Variants in OR1J2 observed in about 807,000 individuals in gnomAD.
OR1J2 encodes olfactory receptor 1J2.
For synonymous variants in OR1J2, 142 were observed against 99.7 expected, an observed-to-expected ratio of 1.42 and a Z score of -2.52; for missense variants, 304 against 246.1, an observed-to-expected ratio of 1.24 and a Z score of -1.57.
the OR1J2 span, among the ~76,000 whole-genome samples, chr9:122,487,037 A>G: frequency 2.6e-5 from 4 of 152,130 alleles, no homozygotes; most frequent in Non-Finnish European, 5.9e-5. Context: ...CCCAGGAAAA[A>G]AACAAATAAG....
At chr9:122,480,636 T>C in the OR1J2 span, among the ~76,000 whole-genome samples, 2 of 152,066 alleles carry the variant, frequency 1.3e-5, no homozygotes, top group Non-Finnish European at 2.9e-5. Context: ...TGCTTCTTTT[T>C]TTTATTATTA....
chr9:122,472,224 G>A, the OR1J2 span, among the ~76,000 whole-genome samples: 2 of 152,122 alleles, frequency 1.3e-5, no homozygotes, highest in African/African-American at 4.8e-5. Flanking sequence ...CCCTGAAGAT[G>A]AGCCACCACA....
chr9:122,530,941 A>G, the OR1J2 span, among the ~76,000 whole-genome samples: 1 of 152,206 alleles, frequency 6.6e-6, no homozygotes, highest in East Asian at 1.9e-4. Context: ...GGAACTGGCC[A>G]TCCGGATGTG....
the OR1J2 span, among the ~76,000 whole-genome samples, chr9:122,478,649 T>C: frequency 2.0e-5 from 3 of 152,208 alleles, no homozygotes; most frequent in Non-Finnish European, 4.4e-5. Context: ...GATATATATG[T>C]ACTATTCTAG....
the OR1J2 span, among the ~76,000 whole-genome samples, chr9:122,481,721 A>G: frequency 2.7e-4 from 41 of 152,322 alleles, no homozygotes; most frequent in African/African-American, 9.6e-4. Flanking sequence ...TATACGAAGA[A>G]AAGGAACTCT....
At chr9:122,471,274 T>G in the OR1J2 span, 1 of 152,216 alleles carries the variant, frequency 6.6e-6, no homozygotes, top group Non-Finnish European at 1.5e-5. Flanking sequence ...CTCATGGTAG[T>G]GAATAAGTCT....
the OR1J2 span, among the ~76,000 whole-genome samples, chr9:122,498,169 A>G: frequency 3.8e-4 from 58 of 151,918 alleles, no homozygotes; most frequent in Non-Finnish European, 7.5e-4. Flanking sequence ...GTTGATGTAT[A>G]CCTCTCTAGC....
chr9:122,489,121 G>A, the OR1J2 span, among the ~76,000 whole-genome samples: 3 of 150,760 alleles, frequency 2.0e-5, no homozygotes, highest in Non-Finnish European at 4.4e-5. Flanking sequence ...CGACAAAACC[G>A]TCCACATCAG....
chr9:122,491,930 C>T, the OR1J2 span, among the ~76,000 whole-genome samples: 3 of 151,692 alleles, frequency 2.0e-5, no homozygotes, highest in African/African-American at 7.3e-5. Context: ...ATTTATGAGG[C>T]CAAATATCCT....
chr9:122,477,615 G>A, the OR1J2 span: 1 of 1,614,046 alleles, frequency 6.2e-7, no homozygotes. Flanking sequence ...CAAAAAATAT[G>A]AAAAAATATG....
At chr9:122,531,041 G>T in the OR1J2 span, among the ~76,000 whole-genome samples, 3 of 152,134 alleles carry the variant, frequency 2.0e-5, no homozygotes, top group Non-Finnish European at 1.5e-5. Flanking sequence ...AAAATAAAAT[G>T]AAATAGTGGT....
chr9:122,456,808 T>C, the OR1J2 span, among the ~76,000 whole-genome samples: 5 of 152,214 alleles, frequency 3.3e-5, no homozygotes, highest in Admixed American at 2.6e-4. Flanking sequence ...TGGAAGACAG[T>C]GTGGCAATTC....
chr9:122,484,966 C>G, the OR1J2 span, among the ~76,000 whole-genome samples: 1 of 151,964 alleles, frequency 6.6e-6, no homozygotes, highest in Non-Finnish European at 1.5e-5. Context: ...CTCGGGAGGT[C>G]GAGGCTGTGA....
the OR1J2 span, among the ~76,000 whole-genome samples, chr9:122,471,030 C>A: frequency 6.6e-6 from 1 of 152,112 alleles, no homozygotes; most frequent in Non-Finnish European, 1.5e-5. Flanking sequence ...ACACTTTGGA[C>A]TTTTGGGTTA....
the OR1J2 span, among the ~76,000 whole-genome samples, chr9:122,558,600 T>A: frequency 6.6e-6 from 1 of 151,768 alleles, no homozygotes; most frequent in South Asian, 2.1e-4. Context: ...AAATATTTCA[T>A]CTGAGTTTTA....
the OR1J2 span, among the ~76,000 whole-genome samples, chr9:122,546,319 G>A: frequency 6.6e-6 from 1 of 152,154 alleles, no homozygotes; most frequent in East Asian, 1.9e-4. Context: ...GAGAGACAGA[G>A]CTTAATTTTC....
chr9:122,513,631 C>T (rs926418748), downstream of OR1J2, among the ~76,000 whole-genome samples: 6 of 151,846 alleles, frequency 4.0e-5, no homozygotes, highest in South Asian at 2.1e-4. Flanking sequence ...ATGTATCAAC[C>T]GGTCATTTGG....
At chr9:122,475,319 A>G in the OR1J2 span, among the ~76,000 whole-genome samples, 3 of 152,318 alleles carry the variant, frequency 2.0e-5, no homozygotes, top group African/African-American at 7.2e-5. Flanking sequence ...AAGTGAAAGC[A>G]TTCCCTAAAC....
the OR1J2 span, among the ~76,000 whole-genome samples, chr9:122,569,777 C>T: frequency 6.6e-6 from 1 of 152,068 alleles, no homozygotes; most frequent in Admixed American, 6.6e-5. Context: ...GTGCTGCACC[C>T]ATTAACTCGT....
Sources: gnomAD v4.1 joint callset for allele counts (sites outside exome capture counted in the v4.1 genomes callset) on GRCh38, gnomAD v4.1.1 for gene constraint, MANE v1.5 for transcripts, NCBI Gene and HGNC (gene_info 2026-07-23, HGNC 2026-07-21) for gene names.